Variants in SLA observed in about 807,000 individuals in gnomAD.
The protein encoded by SLA is Src like adaptor.
Under a neutral mutation model 30.3 loss-of-function variants are expected in SLA, and 16 were observed. The observed-to-expected ratio is 0.53, with a 90% CI of 0.36 to 0.80. SLA has a LOEUF of 0.80. Among genes scored for constraint, SLA ranks in the 30% least tolerant of loss-of-function variants. SLA has a pLI of 0.01. For missense variants in SLA, 310 were observed against 345.2 expected, an observed-to-expected ratio of 0.90 and a Z score of 0.81; for synonymous variants, 143 against 137.8, an observed-to-expected ratio of 1.04 and a Z score of -0.26.
intron 2 of SLA, among the ~76,000 whole-genome samples, chr8:133,065,805 A>T (rs780764654): frequency 1.3e-5 from 2 of 152,078 alleles, no homozygotes; most frequent in Non-Finnish European, 2.9e-5. Context: ...ATAAAAAAGT[A>T]AAATAAAAGT....
chr8:133,045,410 T>C (rs1839160493), intron 6 of SLA, among the ~76,000 whole-genome samples: 1 of 147,164 alleles, frequency 6.8e-6, no homozygotes, highest in Non-Finnish European at 1.5e-5. Context: ...TTTTTTTTTT[T>C]TTGAGTCTGG....
At chr8:133,100,441 G>T (rs892215919) in intron 1 of SLA, among the ~76,000 whole-genome samples, 1 of 152,158 alleles carries the variant, frequency 6.6e-6, no homozygotes, top group Admixed American at 6.5e-5. Context: ...TTCTAGTTCT[G>T]CTAGACAAAT....
chr8:133,042,525 A>C lies in SLA; in HGVS notation c.485-2395T>G, dbSNP rs559807446. ...CTGGACTAGTGGCAATCCTGTGAAAATTATTGCATTTTAATCCCCATGTTG... is the reference window on the plus strand; with the variant it reads ...CTGGACTAGTGGCAATCCTGTGAAACTTATTGCATTTTAATCCCCATGTTG... On this transcript the variant is annotated intron_variant, in intron 7 of 8. Transcript: ENST00000338087. Among the ~76,000 whole-genome samples, 12 of 152,058 alleles carry C rather than the reference A, an allele frequency of 7.9e-5. No individual in the cohort carries two copies. In the East Asian group the frequency reaches 2.1e-3, roughly 27 times the overall value.
intron 2 of SLA, among the ~76,000 whole-genome samples, chr8:133,066,477 C>T (rs1843057836): frequency 6.6e-6 from 1 of 152,046 alleles, no homozygotes; most frequent in Non-Finnish European, 1.5e-5. Context: ...GAGAAATTTC[C>T]AAAATGTTTC....
intron 1 of SLA, chr8:133,096,464 C>A: frequency 6.7e-7 from 1 of 1,486,748 alleles, no homozygotes; most frequent in Non-Finnish European, 9.3e-7. Flanking sequence ...AGATATTGAC[C>A]AATTGCTGAG....
At chr8:133,066,845 A>G (rs1843101765) in intron 2 of SLA, among the ~76,000 whole-genome samples, 1 of 152,230 alleles carries the variant, frequency 6.6e-6, no homozygotes, top group African/African-American at 2.4e-5. Context: ...GCAGCTAAAA[A>G]TTTACCAAAG....
At chr8:133,087,303 C>T (rs557992351) in intron 1 of SLA, among the ~76,000 whole-genome samples, 2 of 152,168 alleles carry the variant, frequency 1.3e-5, no homozygotes, top group Non-Finnish European at 2.9e-5. Context: ...TAAGGTCGCA[C>T]TGATGGATGT....
chr8:133,060,027 C>T lies in SLA; in HGVS notation c.61+73G>A, dbSNP rs2703012. On this transcript the variant is annotated intron_variant, in intron 3 of 8. Coordinates refer to ENST00000338087, the MANE Select transcript of SLA (RefSeq NM_001045556.3). ...CCCCATTTAAGTAGTTACCGGCATC[C>T]ACCACCGCCCAGTCTTTACCACAGG... 8.7e-3 allele frequency: 12,636 copies of T among 1,458,880 alleles called. 540 individuals are homozygous for T. In the African/African-American group the frequency reaches 0.11, roughly 13 times the overall value. 90.4% of individuals were successfully genotyped at this position (1,458,880 alleles called of 1,614,324 possible).
chr8:133,059,881 A>C (rs901010766), intron 3 of SLA, among the ~76,000 whole-genome samples: 2 of 152,260 alleles, frequency 1.3e-5, no homozygotes, highest in African/African-American at 4.8e-5. Flanking sequence ...TCAAAATGCC[A>C]AAGATTTGAC....
chr8:133,068,032 GC>G lies in SLA; in HGVS notation c.-41+6820del, dbSNP rs1176137240. ...AGGGAGTAGCTGCCTGGGGCTGGGG[GC>G]TCAGCTCAGCATCTCATCCCTCTAC... is the stretch of plus-strand genomic sequence containing the variant. On this transcript the variant is annotated intron_variant, in intron 2 of 8. Transcript: ENST00000338087. Among the ~76,000 whole-genome samples, 3 of 152,266 alleles carry G rather than the reference GC, an allele frequency of 2.0e-5. No homozygotes were observed. In the East Asian group the frequency reaches 5.8e-4, roughly 29 times the overall value.
At chr8:133,057,788 C>CA (rs1372271745) in intron 3 of SLA, among the ~76,000 whole-genome samples, 325 of 129,370 alleles carry the variant, frequency 2.5e-3, no homozygotes, top group Non-Finnish European at 3.6e-3. Flanking sequence ...AAAAAAAAAA[C>CA]AAAAAAACAG....
chr8:133,097,145 A>C (rs1848546692), intron 1 of SLA, among the ~76,000 whole-genome samples: 1 of 152,214 alleles, frequency 6.6e-6, no homozygotes, highest in Non-Finnish European at 1.5e-5. Flanking sequence ...CTTCCCCTGC[A>C]CATGCATGAC....
intron 6 of SLA, among the ~76,000 whole-genome samples, chr8:133,045,401 T>TC (rs1472659020): frequency 3.5e-5 from 5 of 141,332 alleles, no homozygotes; most frequent in Non-Finnish European, 7.7e-5. Context: ...TTTTTTTTTT[T>TC]TTTTTTTTTT....
intron 7 of SLA, among the ~76,000 whole-genome samples, chr8:133,044,378 C>T (rs1272830424): frequency 6.6e-6 from 1 of 152,078 alleles, no homozygotes; most frequent in Non-Finnish European, 1.5e-5. Flanking sequence ...AGAATTCAGA[C>T]CTCTCTCCTG....
chr8:133,069,824 A>C (rs1843683652), intron 2 of SLA, among the ~76,000 whole-genome samples: 2 of 151,954 alleles, frequency 1.3e-5, no homozygotes, highest in African/African-American at 4.8e-5. Flanking sequence ...AACATGGCAA[A>C]AATCTCATCT....
chr8:133,038,316 G>A lies in SLA; in HGVS notation c.*208C>T. 1 of 590,844 alleles carries A rather than the reference G, an allele frequency of 1.7e-6. No homozygotes were observed. The highest frequency in any genetic ancestry group is 3.0e-6 in the Non-Finnish European group (1 of 331,760). The allele number at this position is 590,844 out of a possible 1,614,324, so 36.6% of individuals were successfully genotyped here. ...ATGTCATGATCCAATGTTTCGTGAT[G>A]CCACAGCCCTGATCAGACACCAGGG... On this transcript the variant is annotated 3_prime_UTR_variant, in exon 9 of 9. Coordinates refer to ENST00000338087, the MANE Select transcript of SLA (RefSeq NM_001045556.3).
chr8:133,088,944 A>T (rs147241186), intron 1 of SLA, among the ~76,000 whole-genome samples: 20 of 152,328 alleles, frequency 1.3e-4, no homozygotes, highest in Middle Eastern at 3.4e-3. Flanking sequence ...TTGGATGTTT[A>T]AAAAAAGTCC....
intron 1 of SLA, among the ~76,000 whole-genome samples, chr8:133,075,577 C>T (rs1001486065): frequency 2.6e-5 from 4 of 152,300 alleles, no homozygotes; most frequent in African/African-American, 4.8e-5. Flanking sequence ...TGCGGGAGAA[C>T]GTCTAGTTCT....
intron 4 of SLA, 64 bp downstream of exon 4, chr8:133,050,751 AC>A (rs1408391427): frequency 9.4e-7 from 1 of 1,060,908 alleles, no homozygotes; most frequent in Non-Finnish European, 1.5e-6. Flanking sequence ...ACAATCAAAT[AC>A]TTTTCTCCCA....
Sources: gnomAD v4.1 joint callset for allele counts (sites outside exome capture counted in the v4.1 genomes callset) on GRCh38, gnomAD v4.1.1 for gene constraint, MANE v1.5 for transcripts, NCBI Gene and HGNC (gene_info 2026-07-23, HGNC 2026-07-21) for gene names.